CELA2B: variants seen among roughly 807,000 people sequenced by gnomAD.
CELA2B encodes the protein chymotrypsin like elastase 2B, also known as chymotrypsin-like elastase family member 2B.
Under a neutral mutation model 36.5 loss-of-function variants are expected in CELA2B, and 27 were observed. The observed-to-expected ratio is 0.74, with a 90% confidence interval of 0.55 to 1.02. The LOEUF is 1.02. Ranked by LOEUF, CELA2B falls within the 50% of genes least tolerant of loss-of-function variation. The pLI is 0.00. For missense variants in CELA2B, 340 were observed against 347.8 expected, an observed-to-expected ratio of 0.98 and a Z score of 0.18; for synonymous variants, 143 against 148.5, an observed-to-expected ratio of 0.96 and a Z score of 0.27.
At chr1:15,477,456 G>T (rs1313023533) in intron 2 of CELA2B, among the ~76,000 whole-genome samples, 1 of 152,172 alleles carries the variant, frequency 6.6e-6, no homozygotes, top group Non-Finnish European at 1.5e-5. Context: ...TAAATGAAAA[G>T]TTGGTTATAA....
chr1:15,483,147 G>A (rs1354170884), intron 4 of CELA2B, 117 bp from the exon 5 acceptor site: 1 of 1,503,842 alleles, frequency 6.6e-7, no homozygotes, highest in African/African-American at 1.4e-5. Flanking sequence ...GGCCCTGCCG[G>A]TCAGAGCAAC....
At chr1:15,484,900 G>T (rs1190413448) in intron 5 of CELA2B, among the ~76,000 whole-genome samples, 1 of 151,352 alleles carries the variant, frequency 6.6e-6, no homozygotes, top group South Asian at 2.1e-4. Flanking sequence ...CAAAAAGCTT[G>T]ATTTTTTTTT....
intron 2 of CELA2B, among the ~76,000 whole-genome samples, chr1:15,480,134 G>A (rs1163170159): frequency 4.6e-5 from 7 of 152,132 alleles, no homozygotes; most frequent in African/African-American, 1.2e-4. Context: ...AATGATCATC[G>A]AGAAGAGAGG....
chr1:15,481,236 G>A (rs760471053), intron 3 of CELA2B, 41 bp downstream of exon 3: 10 of 1,611,738 alleles, frequency 6.2e-6, no homozygotes, highest in Admixed American at 3.3e-5. Context: ...CTCACCAGCC[G>A]GTGCTCATTT....
At position 15,482,352 on chromosome 1, in the gene CELA2B, T is replaced by C; in HGVS notation, c.315T>C (p.Ile105=). The C allele has an allele frequency of 6.2e-7, 1 of 1,614,116 alleles. No homozygotes were observed. ...CGCTGGCCGTCAGTGTCTCTAAGAT[T>C]GTGGTGCACAAGGACTGGAACTCCG... The part of the protein sequence containing the change: ...SGSLAVSVSK[I]VVHKDWNSDQ... The change falls in exon 4 of 8, where the codon ATT becomes ATC. Residue 105 remains isoleucine (I), a synonymous_variant. Coordinates refer to ENST00000375910, the MANE Select transcript of CELA2B (RefSeq NM_015849.3).
rs1570805507 is a variant in CELA2B at position 15,476,108 on chromosome 1, A to G, written c.-18A>G. The G allele has an allele frequency of 6.2e-7, 1 of 1,613,352 alleles. No homozygotes were observed. The highest frequency in any genetic ancestry group is 2.2e-5 in the East Asian group (1 of 44,858). On this transcript the variant is annotated 5_prime_UTR_variant, in exon 1 of 8. Coordinates refer to ENST00000375910, the MANE Select transcript of CELA2B (RefSeq NM_015849.3). ...GCCTTATCCAGGGCCACGCTTACAG[A>G]ACTCCCACGGACACACCATGATTAG...
In CELA2B at chr1:15,491,368, A is replaced by G. The variant is rs56706128; in HGVS notation, c.*56A>G. 1.2e-3 allele frequency: 1,987 copies of G among 1,597,436 alleles called. 20 individuals are homozygous for G. In the East Asian group the frequency reaches 0.021, roughly 17 times the overall value. ...TTGGAAAGGTCACAGAAGGAAAATAATATTATATAAAGTGACAACTATGCA... is the reference window on the plus strand; with the variant it reads ...TTGGAAAGGTCACAGAAGGAAAATAGTATTATATAAAGTGACAACTATGCA... On this transcript the variant is annotated 3_prime_UTR_variant, in exon 8 of 8. Transcript: ENST00000375910.
Position 15,486,086 on chromosome 1 carries a change from T to C in CELA2B, c.639+40T>C, listed in dbSNP as rs372520727. ...TCAGGGGCCCCGCTCCATGACAAAA[T>C]GTGGCTGGGGATGGGAAGAGGCTAT... is the stretch of plus-strand genomic sequence containing the variant. On this transcript the variant is annotated intron_variant, in intron 6 of 7. Transcript: ENST00000375910. 5.6e-6 allele frequency: 9 copies of C among 1,600,928 alleles called. No individual in the cohort carries two copies. In the East Asian group the frequency reaches 1.1e-4, roughly 20 times the overall value.
intron 5 of CELA2B, among the ~76,000 whole-genome samples, chr1:15,485,513 G>A (rs925444673): frequency 1.3e-5 from 2 of 152,256 alleles, no homozygotes; most frequent in African/African-American, 4.8e-5. Flanking sequence ...GGGGCTGGAA[G>A]CCTGTGAGAA....
At chr1:15,481,854 G>A in intron 3 of CELA2B, 1 of 427,368 alleles carries the variant, frequency 2.3e-6, no homozygotes, top group South Asian at 1.7e-5. Flanking sequence ...CAGGAGTCCT[G>A]GCTTCTAGTT....
At chr1:15,489,960 G>A (rs1188374462) in intron 7 of CELA2B, among the ~76,000 whole-genome samples, 4 of 151,862 alleles carry the variant, frequency 2.6e-5, no homozygotes, top group Non-Finnish European at 5.9e-5. Flanking sequence ...TGCAACCTGC[G>A]CCTCCCGGGT....
intron 3 of CELA2B, among the ~76,000 whole-genome samples, chr1:15,482,011 T>C (rs1708747037): frequency 6.6e-6 from 1 of 151,992 alleles, no homozygotes; most frequent in Non-Finnish European, 1.5e-5. Flanking sequence ...CATAATACTA[T>C]AGAGTTTGTG....
At chr1:15,486,512 G>T (rs1246703947) in intron 6 of CELA2B, among the ~76,000 whole-genome samples, 2 of 152,088 alleles carry the variant, frequency 1.3e-5, no homozygotes, top group Non-Finnish European at 2.9e-5. Flanking sequence ...TTCTTGTTTT[G>T]AGATGTTTTG....
intron 6 of CELA2B, among the ~76,000 whole-genome samples, chr1:15,487,023 C>T (rs1708812407): frequency 6.6e-6 from 1 of 152,178 alleles, no homozygotes; most frequent in African/African-American, 2.4e-5. Flanking sequence ...CTTCCGTGGC[C>T]TGGGGATACT....
In CELA2B at chr1:15,482,300, A is replaced by G; in HGVS notation, c.263A>G (p.His88Arg). 2 of 1,614,096 alleles carry G rather than the reference A, an allele frequency of 1.2e-6. No individual in the cohort carries two copies. The highest frequency in any genetic ancestry group is 1.7e-6 in the Non-Finnish European group (2 of 1,179,984). ...SGIYRVMLGQ[H>R]NLYVAESGSL... ...ATCTACCGCGTGATGCTGGGCCAGC[A>G]TAACCTCTACGTTGCAGAGTCCGGC... is the stretch of plus-strand genomic sequence containing the variant. Residue 88 changes from histidine to arginine, a missense_variant, in exon 4 of 8, where the codon CAT (histidine) becomes CGT (arginine). By Grantham distance (29) the His-to-Arg change is conservative. Coordinates refer to ENST00000375910, the MANE Select transcript of CELA2B (RefSeq NM_015849.3).
At chr1:15,491,269 A>G (rs1345038374) in intron 7 of CELA2B, 26 bp from the exon 8 acceptor site, 21 of 1,613,942 alleles carry the variant, frequency 1.3e-5, no homozygotes, top group African/African-American at 6.7e-5. Flanking sequence ...TGAACCTGAC[A>G]ATTTTCTTGT....
chr1:15,481,318 G>T, intron 3 of CELA2B, 123 bp downstream of exon 3: 1 of 1,159,948 alleles, frequency 8.6e-7, no homozygotes, highest in East Asian at 2.4e-5. Flanking sequence ...TAGCCTGGCC[G>T]AGACACAAGC....
chr1:15,480,073 G>T (rs1407213655), intron 2 of CELA2B, among the ~76,000 whole-genome samples: 1 of 152,180 alleles, frequency 6.6e-6, no homozygotes, highest in Non-Finnish European at 1.5e-5. Flanking sequence ...CAGTCTGGCT[G>T]CTGTGTTGAG....
At chr1:15,478,105 C>T (rs1307006519) in intron 2 of CELA2B, among the ~76,000 whole-genome samples, 1 of 151,956 alleles carries the variant, frequency 6.6e-6, no homozygotes, top group African/African-American at 2.4e-5. Flanking sequence ...TCAAGACCAG[C>T]CTGGACATGG....
Sources: gnomAD v4.1 joint callset for allele counts (sites outside exome capture counted in the v4.1 genomes callset) on GRCh38, gnomAD v4.1.1 for gene constraint, MANE v1.5 for transcripts, NCBI Gene and HGNC (gene_info 2026-07-23, HGNC 2026-07-21) for gene names.